The following CCDC183 variants were observed in gnomAD, a reference collection of about 807,000 sequenced individuals.
CCDC183 encodes the protein coiled-coil domain containing 183.
CCDC183 carries 63 observed loss-of-function variants against 65.2 expected under a neutral mutation model. That is an observed-to-expected ratio of 0.97 (90% CI 0.79 to 1.19). The LOEUF is 1.19. CCDC183 is among the 50% of genes most tolerant of loss of function. The pLI, the probability that CCDC183 is intolerant of heterozygous loss-of-function variation, is 0.00. For missense variants in CCDC183, 769 were observed against 689.3 expected (o/e 1.12, Z -1.30); for synonymous variants, 323 against 276.5 (o/e 1.17, Z -1.67).
At chr9:136,800,735 T>G in intron 5 of CCDC183, 1 of 512,070 alleles carries the variant, frequency 2.0e-6, no homozygotes, top group East Asian at 3.6e-5. Context: ...ATTAAATGAT[T>G]TGGTATTGTT....
In CCDC183 at chr9:136,804,699, C is replaced by A; in HGVS notation, c.793-63C>A. 6.2e-7 allele frequency: 1 copy of A among 1,612,864 alleles called. No homozygotes were observed. Among genetic ancestry groups the A allele is most frequent in the South Asian group, 1.1e-5 (1 of 91,000 alleles). Reference sequence around the variant, plus strand: ...CTGGGTGGACACAGGCTCAGGGCCACCACTCAGGGCCCACTCCCTGCCAAG... The same window carrying A: ...CTGGGTGGACACAGGCTCAGGGCCAACACTCAGGGCCCACTCCCTGCCAAG... On this transcript the variant is annotated intron_variant, in intron 7 of 13. Coordinates refer to ENST00000338005, the MANE Select transcript of CCDC183 (RefSeq NM_001039374.5). This position sits in a 1 kb window ranked among gnomAD's most constrained non-coding sequence, Gnocchi z 4.1.
At chr9:136,806,901 A>G (rs1847866245) in intron 12 of CCDC183, 34 bp downstream of exon 12, 1 of 1,613,268 alleles carries the variant, frequency 6.2e-7, no homozygotes, top group African/African-American at 1.3e-5. Context: ...TGCACAGCCC[A>G]CGTCCCCTCA....
At chr9:136,800,656 T>A (rs956914825) in intron 5 of CCDC183, 163 bp downstream of exon 5, 7 of 603,046 alleles carry the variant, frequency 1.2e-5, no homozygotes, top group Non-Finnish European at 2.1e-5. Flanking sequence ...TTTTTTAAAC[T>A]TCATTTTTGG....
In CCDC183 at chr9:136,807,630, G is replaced by C. The variant is rs1847888122; in HGVS notation, c.1545G>C (p.Lys515Asn). The change falls in exon 14 of 14, where the codon AAG becomes AAC. Residue 515 changes from lysine to asparagine, a missense_variant. Coordinates refer to ENST00000338005, the MANE Select transcript of CCDC183 (RefSeq NM_001039374.5). ...HSYVPSRAEI[K>N]RQAQRLIEGK... ...ACGTCCCTTCGCGCGCCGAGATCAAGAGGCAGGCGCAGCGGCTAATCGAGG... is the reference window on the plus strand; with the variant it reads ...ACGTCCCTTCGCGCGCCGAGATCAACAGGCAGGCGCAGCGGCTAATCGAGG... 1.2e-6 allele frequency: 2 copies of C among 1,605,936 alleles called. No individual in the cohort carries two copies. The highest frequency in any genetic ancestry group is 1.3e-5 in the African/African-American group (1 of 74,378).
At chr9:136,797,449 T>TC (rs1345636834) in intron 1 of CCDC183, among the ~76,000 whole-genome samples, 2 of 151,862 alleles carry the variant, frequency 1.3e-5, no homozygotes, top group African/African-American at 2.4e-5. Context: ...TTTTTTTTTT[T>TC]TTTTTATGAG....
Position 136,806,776 on chromosome 9 carries a change from A to G in CCDC183, c.1298A>G (p.Asn433Ser), listed in dbSNP as rs771776320. ...PATQREVVLS[N>S]TLDLNSKLAY... is the part of the protein sequence containing the mutation. Reference sequence around the variant, plus strand: ...CTACAGAGAGAAGTGGTGCTCTCCAACACCCTCGATTTGAACAGCAAGCTG... The same window carrying G: ...CTACAGAGAGAAGTGGTGCTCTCCAGCACCCTCGATTTGAACAGCAAGCTG... The change falls in exon 12 of 14, where the codon AAC becomes AGC. Residue 433 changes from asparagine to serine, a missense_variant. Coordinates refer to ENST00000338005, the MANE Select transcript of CCDC183 (RefSeq NM_001039374.5). The G allele has an allele frequency of 1.9e-6, 3 of 1,613,486 alleles. No homozygotes were observed. The highest frequency in any genetic ancestry group is 2.5e-6 in the Non-Finnish European group (3 of 1,180,038).
At chr9:136,799,059 T>C (rs764346827) in intron 1 of CCDC183, 43 bp from the exon 2 acceptor site, 10 of 1,609,754 alleles carry the variant, frequency 6.2e-6, no homozygotes, top group Admixed American at 5.0e-5. Flanking sequence ...GGCCAGGCCC[T>C]TGGCCCAATC....
chr9:136,799,984 G>T lies in CCDC183; in HGVS notation c.271-18G>T. On this transcript the variant is annotated intron_variant, in intron 3 of 13. Transcript: ENST00000338005. ...CCCCCTACGCAACCACGAGTGGGCG[G>T]TGCCCTTCCCGACCCAGGTGGTGCG... The T allele has an allele frequency of 6.3e-7, 1 of 1,576,388 alleles. No individual in the cohort carries two copies. The highest frequency in any genetic ancestry group is 8.6e-7 in the Non-Finnish European group (1 of 1,161,714).
rs527551135 is a variant in CCDC183 at position 136,807,348 on chromosome 9, T to C, written c.1487-224T>C. ...AGGGCTGGAGCAGGGAGGAGCGCGG[T>C]GAAGGCCTGGGCCGGAGCTTCCACT... On this transcript the variant is annotated intron_variant, in intron 13 of 13. Transcript: ENST00000338005. 7.4e-6 allele frequency: 5 copies of C among 678,286 alleles called. No homozygotes were observed. The South Asian group carries it at 9.7e-5, about 13-fold the overall frequency. The allele number at this position is 678,286 out of a possible 1,614,324, so 42.0% of individuals were successfully genotyped here.
Position 136,800,472 on chromosome 9 carries a change from C to T in CCDC183, c.522C>T (p.Asp174=). 6.2e-7 allele frequency: 1 copy of T among 1,611,384 alleles called. No individual in the cohort carries two copies. The highest frequency in any genetic ancestry group is 8.5e-7 in the Non-Finnish European group (1 of 1,178,388). ...TSQNIHLLYL[D]LLDYLKTVLA... is the part of the protein sequence containing the mutation. ...AGAACATCCACCTGCTGTATTTGGA[C>T]CTGCTGGATTATCTGAAGACAGTGA... is the stretch of plus-strand genomic sequence containing the variant. The change falls in exon 5 of 14, where the codon GAC becomes GAT. Residue 174 remains aspartate (D), a synonymous_variant. Coordinates refer to ENST00000338005, the MANE Select transcript of CCDC183 (RefSeq NM_001039374.5).
At position 136,806,538 on chromosome 9, in the gene CCDC183, C is replaced by G; in HGVS notation, c.1144C>G (p.Leu382Val). Residue 382 changes from leucine (L) to valine (V), a missense_variant, in exon 11 of 14, where the codon CTA becomes GTA. Leu to Val is a conservative substitution (Grantham distance 32). Transcript: ENST00000338005. ...KSVEKKMTDMLKEEEERLQLA... is the reference protein window; with the variant it reads ...KSVEKKMTDMVKEEEERLQLA... ...CGTTGAGAAGAAAATGACAGACATG[C>G]TAAAAGAGGAAGAAGAGAGGCTCCA... is the stretch of plus-strand genomic sequence containing the variant. 6.2e-7 allele frequency: 1 copy of G among 1,613,540 alleles called. No individual in the cohort carries two copies. Among genetic ancestry groups the G allele is most frequent in the Non-Finnish European group, 8.5e-7 (1 of 1,180,014 alleles).
Position 136,807,048 on chromosome 9 carries a change from C to T in CCDC183, c.1468C>T (p.Arg490Trp), listed in dbSNP as rs1046459342. 7 of 1,613,098 alleles carry T rather than the reference C, an allele frequency of 4.3e-6. No homozygotes were observed. Among genetic ancestry groups the T allele is most frequent in the African/African-American group, 2.7e-5 (2 of 74,888 alleles). ...KYNTRISFEN[R>W]EEDMIDTFQF... is the part of the protein sequence containing the mutation. ...CAACACCAGGATCAGCTTTGAGAAC[C>T]GGGAGGAGGATATGATCGGTACAGG... Residue 490 changes from arginine to tryptophan, a missense_variant, in exon 13 of 14, where the codon CGG becomes TGG. By Grantham distance (101) the Arg-to-Trp change is moderately radical. Coordinates refer to ENST00000338005, the MANE Select transcript of CCDC183 (RefSeq NM_001039374.5).
At chr9:136,800,349 G>A (rs1037822621) in intron 4 of CCDC183, 40 bp from the exon 5 acceptor site, 3 of 1,556,688 alleles carry the variant, frequency 1.9e-6, no homozygotes, top group East Asian at 4.6e-5. Context: ...CCGGGCGGCC[G>A]GTCCCCACGC....
Position 136,806,114 on chromosome 9 carries a change from G to A in CCDC183, c.985G>A (p.Glu329Lys), listed in dbSNP as rs1197367559. ...CCGCTTCCTGGCCCAGAGGAACACG[G>A]AGGAGAACCTGGAGCTGCAGATGGA... Reference protein sequence around the residue: ...TSRFLAQRNTEENLELQMEDC... With the variant: ...TSRFLAQRNTKENLELQMEDC... The change falls in exon 10 of 14, where the codon GAG becomes AAG. Residue 329 changes from glutamate to lysine, a missense_variant. By Grantham distance (56) the Glu-to-Lys change is moderately conservative. Transcript: ENST00000338005. 6.4e-7 allele frequency: 1 copy of A among 1,554,172 alleles called. No individual in the cohort carries two copies. Among genetic ancestry groups the A allele is most frequent in the Non-Finnish European group, 8.7e-7 (1 of 1,148,754 alleles).
chr9:136,807,639 G>A lies in CCDC183; in HGVS notation c.1554G>A (p.Ala518=). Residue 518 remains alanine, a synonymous_variant, in exon 14 of 14, where the codon GCG becomes GCA. Coordinates refer to ENST00000338005, the MANE Select transcript of CCDC183 (RefSeq NM_001039374.5). The part of the protein sequence containing the change: ...VPSRAEIKRQ[A]QRLIEGKLKA... ...CGCGCGCCGAGATCAAGAGGCAGGCGCAGCGGCTAATCGAGGGGAAGCTCA... is the reference window on the plus strand; with the variant it reads ...CGCGCGCCGAGATCAAGAGGCAGGCACAGCGGCTAATCGAGGGGAAGCTCA... 1 of 1,604,714 alleles carries A rather than the reference G, an allele frequency of 6.2e-7. No homozygotes were observed. Among genetic ancestry groups the A allele is most frequent in the Non-Finnish European group, 8.5e-7 (1 of 1,176,292 alleles).
Position 136,805,417 on chromosome 9 carries a change from TGGA to T in CCDC183, c.910_912del (p.Glu304del). 1 of 1,613,786 alleles carries T rather than the reference TGGA, an allele frequency of 6.2e-7. No individual in the cohort carries two copies. Among genetic ancestry groups the T allele is most frequent in the Non-Finnish European group, 8.5e-7 (1 of 1,179,888 alleles). ...TACCAGTCGGGCGTGACTGCTGTGG[TGGA>T]GAAGGTCAAGAGTGCTGTACGGTGC... On this transcript the variant is annotated inframe_deletion, in exon 9 of 14. Transcript: ENST00000338005.
intron 1 of CCDC183, among the ~76,000 whole-genome samples, chr9:136,798,791 A>G (rs1847692720): frequency 6.6e-6 from 1 of 152,140 alleles, no homozygotes; most frequent in African/African-American, 2.4e-5. Flanking sequence ...TGGACAGGAA[A>G]ACACCCACCT....
In CCDC183 at chr9:136,799,194, G is replaced by C. The variant is rs770810721; in HGVS notation, c.163G>C (p.Gly55Arg). 2.5e-6 allele frequency: 4 copies of C among 1,610,118 alleles called. No individual in the cohort carries two copies. Among genetic ancestry groups the C allele is most frequent in the Non-Finnish European group, 3.4e-6 (4 of 1,178,580 alleles). The change falls in exon 2 of 14, where the codon GGG (glycine) becomes CGG (arginine). Residue 55 changes from glycine (G) to arginine (R), a missense_variant. Transcript: ENST00000338005. ...LALLRSNIRR[G>R]AQDWALAKKY... ...CCTCCTGCGCAGCAACATCCGCCGC[G>C]GGGCCCAGGACTGGGCTTTGGCCAA...
At chr9:136,799,931 G>T (rs1847709958) in intron 3 of CCDC183, 71 bp from the exon 4 acceptor site, 13 of 1,513,844 alleles carry the variant, frequency 8.6e-6, no homozygotes, top group Non-Finnish European at 1.2e-5. Context: ...GCCTCCACCC[G>T]CCCGCCTGCT....
Sources: allele counts gnomAD v4.1 joint callset (sites outside exome capture counted in the v4.1 genomes callset), GRCh38; gene constraint gnomAD v4.1.1; non-coding constraint Gnocchi (gnomAD v3.1); transcripts MANE v1.5; gene names NCBI Gene and HGNC (gene_info 2026-07-23, HGNC 2026-07-21).